The following CCSER1 variants were observed in gnomAD, a reference collection of about 807,000 sequenced individuals.
CCSER1 encodes the protein coiled-coil serine rich protein 1, also known as serine-rich coiled-coil domain-containing protein 1.
CCSER1 carries 41 observed loss-of-function variants against 82.0 expected under a neutral mutation model. The observed-to-expected ratio is 0.50, with a 90% CI of 0.39 to 0.65. The LOEUF (loss-of-function observed/expected upper bound fraction) is 0.65, where lower values mean the gene tolerates loss of function less well. CCSER1 is among the 30% of genes least tolerant of loss of function. The probability of loss-of-function intolerance (pLI) is 0.00; values close to 1 mark genes in which losing one functional copy is unlikely to be tolerated. For missense variants in CCSER1, 1,119 were observed against 1,064.2 expected, an observed-to-expected ratio of 1.05 and a Z score of -0.72; for synonymous variants, 414 against 383.9, an observed-to-expected ratio of 1.08 and a Z score of -0.92.
chr4:91,111,258 A>G (rs1726071421), intron 10 of CCSER1, among the ~76,000 whole-genome samples: 1 of 152,006 alleles, frequency 6.6e-6, no homozygotes, highest in Non-Finnish European at 1.5e-5. Context: ...CTTTTATCTA[A>G]TGTGACCACC....
At position 90,815,792 on chromosome 4, in the gene CCSER1, A is replaced by G; in HGVS notation, c.2041A>G (p.Lys681Glu). 6.4e-7 allele frequency: 1 copy of G among 1,551,180 alleles called. No homozygotes were observed. Among genetic ancestry groups the G allele is most frequent in the Non-Finnish European group, 8.7e-7 (1 of 1,146,750 alleles). ...DIMKDECSML[K>E]LQLKEKDELI... is the part of the protein sequence containing the mutation. The stretch of plus-strand genomic sequence containing the variant: ...AATGAAAGATGAATGCTCGATGCTC[A>G]AGCTGCAGCTGAAAGAGAAGGATGA... The change falls in exon 8 of 11, where the codon AAG (lysine) becomes GAG (glutamate). Residue 681 changes from lysine (K) to glutamate (E), a missense_variant. Physicochemically the swap from Lys to Glu is moderately conservative, Grantham distance 56 (BLOSUM62 1). Coordinates refer to ENST00000509176, the MANE Select transcript of CCSER1 (RefSeq NM_001145065.2).
chr4:91,209,598 G>C (rs1239387754), intron 10 of CCSER1, among the ~76,000 whole-genome samples: 1 of 151,896 alleles, frequency 6.6e-6, no homozygotes, highest in Non-Finnish European at 1.5e-5. Flanking sequence ...TTGATGTGCA[G>C]CTGGATTTGG....
chr4:90,341,910 C>G lies in CCSER1; in HGVS notation c.1509+28863C>G, dbSNP rs1315260010. On this transcript the variant is annotated intron_variant, in intron 3 of 10. Transcript: ENST00000509176. ...TGTTTACCTTATATGCATAGATAGA[C>G]TAATAAAACCTCAATGTAAATATAA... is the stretch of plus-strand genomic sequence containing the variant. 3.9e-5 allele frequency among the ~76,000 whole-genome samples: 6 copies of G among 152,078 alleles called. No homozygotes were observed. The East Asian group carries it at 9.6e-4, about 24-fold the overall frequency.
At position 91,473,358 on chromosome 4, in the gene CCSER1, A is replaced by G. The variant is rs1005782374; in HGVS notation, c.2218-125214A>G. Among the ~76,000 whole-genome samples, 8 of 152,324 alleles carry G rather than the reference A, an allele frequency of 5.3e-5. No individual in the cohort carries two copies. In the East Asian group the frequency reaches 1.4e-3, roughly 26 times the overall value. On this transcript the variant is annotated intron_variant, in intron 10 of 10. Coordinates refer to ENST00000509176, the MANE Select transcript of CCSER1 (RefSeq NM_001145065.2). ...GCACAGTTGACATCATTTCTCATAA[A>G]GTATTCCCTTTTAAGTCATCCACAG...
chr4:90,610,547 CAGTG>C lies in CCSER1; in HGVS notation c.1725-17475_1725-17472del, dbSNP rs549749024. Among the ~76,000 whole-genome samples, 219 of 152,164 alleles carry C rather than the reference CAGTG, an allele frequency of 1.4e-3. 1 individual carries two copies. The highest frequency in any genetic ancestry group is 0.01 in the South Asian group (50 of 4,822). Reference sequence around the variant, plus strand: ...TTTGCTTTCTAAGGCTGACATCTGACAGTGAGGCCATTGATCTTCAGTTGCTAGA... The same window carrying C: ...TTTGCTTTCTAAGGCTGACATCTGACAGGCCATTGATCTTCAGTTGCTAGA... On this transcript the variant is annotated intron_variant, in intron 5 of 10. Transcript: ENST00000509176.
intron 10 of CCSER1, among the ~76,000 whole-genome samples, chr4:91,351,530 A>G (rs1560605541): frequency 6.6e-6 from 1 of 152,100 alleles, no homozygotes; most frequent in Non-Finnish European, 1.5e-5. Context: ...ATACAAAAAT[A>G]CTTACTTATA....
At chr4:90,326,764 C>T (rs1230143409) in intron 3 of CCSER1, among the ~76,000 whole-genome samples, 2 of 151,990 alleles carry the variant, frequency 1.3e-5, no homozygotes, top group African/African-American at 2.4e-5. Flanking sequence ...CTGGAATATC[C>T]CTCTTGCTCC....
intron 10 of CCSER1, among the ~76,000 whole-genome samples, chr4:91,249,947 TAA>T (rs1740122934): frequency 1.6e-5 from 2 of 123,752 alleles, no homozygotes; most frequent in Non-Finnish European, 3.3e-5. Flanking sequence ...TAGTCCTGAA[TAA>T]TAAAAAAAAA....
At position 90,350,932 on chromosome 4, in the gene CCSER1, TA is replaced by T. The variant is rs1743310494; in HGVS notation, c.1509+37890del. Among the ~76,000 whole-genome samples, 5 of 152,282 alleles carry T rather than the reference TA, an allele frequency of 3.3e-5. No individual in the cohort carries two copies. In the South Asian group the frequency reaches 1.0e-3, roughly 32 times the overall value. On this transcript the variant is annotated intron_variant, in intron 3 of 10. Transcript: ENST00000509176. Reference sequence around the variant, plus strand: ...TACAAATCTAAAAATTTAGTTAATCTAAAAATGTATTGCACTGCAATAAAAT... The same window carrying T: ...TACAAATCTAAAAATTTAGTTAATCTAAAATGTATTGCACTGCAATAAAAT...
chr4:90,224,652 A>T (rs1742791914), intron 1 of CCSER1, among the ~76,000 whole-genome samples: 1 of 152,248 alleles, frequency 6.6e-6, no homozygotes, highest in South Asian at 2.1e-4. Context: ...TTTAAGATAC[A>T]TTCGATGGAA....
intron 7 of CCSER1, among the ~76,000 whole-genome samples, chr4:90,740,405 C>T (rs1029477597): frequency 2.0e-5 from 3 of 151,866 alleles, no homozygotes; most frequent in Non-Finnish European, 4.4e-5. Context: ...CCTGGTAAGA[C>T]AAATAAAATT....
rs1443787369 is a variant in CCSER1, at chr4:91,496,598, AT to A, written c.2218-101971del. 5.9e-4 allele frequency among the ~76,000 whole-genome samples: 18 copies of A among 30,548 alleles called. 4 individuals are homozygous for A. Among genetic ancestry groups the A allele is most frequent in the Non-Finnish European group, 1.0e-3 (13 of 12,968 alleles). 20.0% of individuals were successfully genotyped at this position (30,548 alleles called of 152,430 possible). A position where few individuals can be genotyped will look rare whatever the true frequency, so the allele number is the denominator to read the frequency against. On this transcript the variant is annotated intron_variant, in intron 10 of 10. Coordinates refer to ENST00000509176, the MANE Select transcript of CCSER1 (RefSeq NM_001145065.2). ...TATATATATATATACACGAATATAT[AT>A]TTGAATATATATATACACGAATATA...
intron 8 of CCSER1, among the ~76,000 whole-genome samples, chr4:90,921,864 C>CTTTCAATGATGGTTA (rs1728431789): frequency 6.6e-6 from 1 of 152,002 alleles, no homozygotes; most frequent in Non-Finnish European, 1.5e-5. Flanking sequence ...TGTAAATAAC[C>CTTTCAATGATGGTTA]TTTCAATGAT....
chr4:91,140,074 G>A (rs1370328020), intron 10 of CCSER1, among the ~76,000 whole-genome samples: 1 of 151,956 alleles, frequency 6.6e-6, no homozygotes, highest in Non-Finnish European at 1.5e-5. Context: ...CATTGACATT[G>A]TGCTTTATTC....
At chr4:90,395,385 C>T (rs890302892) in intron 3 of CCSER1, among the ~76,000 whole-genome samples, 8 of 152,036 alleles carry the variant, frequency 5.3e-5, no homozygotes, top group African/African-American at 1.9e-4. Flanking sequence ...TCATCTTTTT[C>T]TTGTTTTTAC....
intron 10 of CCSER1, among the ~76,000 whole-genome samples, chr4:91,104,127 G>T (rs1254773110): frequency 6.6e-6 from 1 of 152,164 alleles, no homozygotes; most frequent in African/African-American, 2.4e-5. Context: ...TTTGTGGTCA[G>T]ATCGGTTCTC....
intron 7 of CCSER1, among the ~76,000 whole-genome samples, chr4:90,782,706 C>T (rs1417167894): frequency 8.5e-5 from 7 of 82,420 alleles, no homozygotes; most frequent in African/African-American, 3.8e-4. Flanking sequence ...TTTTTTGAGA[C>T]AGTCTAGCTC....
chr4:90,979,360 A>G (rs1735901215), intron 9 of CCSER1, among the ~76,000 whole-genome samples: 1 of 151,634 alleles, frequency 6.6e-6, no homozygotes, highest in African/African-American at 2.4e-5. Context: ...AGGGATCTGA[A>G]TATAAGAGAT....
chr4:90,271,020 G>A (rs1351656279), intron 1 of CCSER1, among the ~76,000 whole-genome samples: 1 of 152,088 alleles, frequency 6.6e-6, no homozygotes, highest in Non-Finnish European at 1.5e-5. Context: ...GATATTCCAT[G>A]TTCATGGATT....
Sources: gnomAD v4.1 joint callset for allele counts (sites outside exome capture counted in the v4.1 genomes callset) on GRCh38, gnomAD v4.1.1 for gene constraint, MANE v1.5 for transcripts, NCBI Gene and HGNC (gene_info 2026-07-23, HGNC 2026-07-21) for gene names.